The following PIGX variants were observed in gnomAD, a reference collection of about 807,000 sequenced individuals.
The protein encoded by PIGX is GPI alpha-1,4-mannosyltransferase I, stabilizing subunit.
Under a neutral mutation model 28.7 loss-of-function variants are expected in PIGX, and 24 were observed. That is an observed-to-expected ratio of 0.84 (90% CI 0.60 to 1.17). PIGX has a LOEUF of 1.17. PIGX is among the 50% of genes most tolerant of loss of function. The probability of loss-of-function intolerance (pLI) is 0.00; values close to 1 mark genes in which losing one functional copy is unlikely to be tolerated. For missense variants in PIGX, 305 were observed against 317.8 expected (o/e 0.96, Z 0.31); for synonymous variants, 127 against 121.0 (o/e 1.05, Z -0.33).
Position 196,733,774 on chromosome 3 carries a change from A to C in PIGX, c.649A>C (p.Ile217Leu). The C allele has an allele frequency of 6.3e-7, 1 of 1,595,314 alleles. No individual in the cohort carries two copies. The highest frequency in any genetic ancestry group is 8.6e-7 in the Non-Finnish European group (1 of 1,162,888). ...CTCTCCATAGGTATATAAGAATGTGATTCTACAAGTTCCAGTGGGACTGAC... is the reference window on the plus strand; with the variant it reads ...CTCTCCATAGGTATATAAGAATGTGCTTCTACAAGTTCCAGTGGGACTGAC... Residue 217 changes from isoleucine (I) to leucine (L), a missense_variant, in exon 6 of 6, where the codon ATT becomes CTT. Coordinates refer to ENST00000392391, the MANE Select transcript of PIGX (RefSeq NM_017861.4). This position sits in a 1 kb window ranked among gnomAD's most constrained non-coding sequence, Gnocchi z 4.3.
At chr3:196,714,612 C>G (rs1712010907) in intron 1 of PIGX, among the ~76,000 whole-genome samples, 1 of 152,090 alleles carries the variant, frequency 6.6e-6, no homozygotes, top group South Asian at 2.1e-4. Context: ...CAGGTGCACA[C>G]CACGACGCCC....
rs1479975809 is a variant in PIGX at position 196,735,817 on chromosome 3, G to A, written c.*1915G>A. 1 of 152,124 alleles carries A rather than the reference G, an allele frequency of 6.6e-6. No homozygotes were observed. Among genetic ancestry groups the A allele is most frequent in the Admixed American group, 6.5e-5 (1 of 15,274 alleles). The allele number at this position is 152,124 out of a possible 1,614,324, so 9.4% of individuals were successfully genotyped here. A position where few individuals can be genotyped will look rare whatever the true frequency, so the allele number is the denominator to read the frequency against. ...TTTTGGAATATGGTTAGACGGGGAG[G>A]GAACACGGTACTGTTTAACATCTTA... is the stretch of plus-strand genomic sequence containing the variant. On this transcript the variant is annotated 3_prime_UTR_variant, in exon 6 of 6. Coordinates refer to ENST00000392391, the MANE Select transcript of PIGX (RefSeq NM_017861.4).
Position 196,733,981 on chromosome 3 carries a change from ATTAC to A in PIGX, c.*82_*85del, listed in dbSNP as rs1334414606. ...GACGAGAGGTGTTCTTCTAGAATTA[ATTAC>A]TTTTATCTTTTGTCTTCATTTGTGG... On this transcript the variant is annotated 3_prime_UTR_variant, in exon 6 of 6. Transcript: ENST00000392391. This position sits in a 1 kb window ranked among gnomAD's most constrained non-coding sequence, Gnocchi z 4.3. The A allele has an allele frequency of 1.1e-6, 1 of 929,486 alleles. No individual in the cohort carries two copies. Among genetic ancestry groups the A allele is most frequent in the East Asian group, 2.4e-5 (1 of 41,228 alleles). 57.6% of individuals were successfully genotyped at this position (929,486 alleles called of 1,614,324 possible). A position where few individuals can be genotyped will look rare whatever the true frequency, so the allele number is the denominator to read the frequency against.
Position 196,716,865 on chromosome 3 carries a change from G to C in PIGX, c.120G>C (p.Arg40Ser), listed in dbSNP as rs759622427. 1 of 1,598,762 alleles carries C rather than the reference G, an allele frequency of 6.3e-7. No individual in the cohort carries two copies. The highest frequency in any genetic ancestry group is 2.2e-5 in the East Asian group (1 of 44,602). The change falls in exon 2 of 6, where the codon AGG becomes AGC. Residue 40 changes from arginine (R) to serine (S), a missense_variant. Arg to Ser is a moderately radical substitution (Grantham distance 110). Coordinates refer to ENST00000392391, the MANE Select transcript of PIGX (RefSeq NM_017861.4). ...ATCGTTTGGTTCTTATAGGCATAAG[G>C]GCCATGTGTTCTGAAATTATTTTGA...
In PIGX at chr3:196,735,152, G is replaced by C. The variant is rs868499312; in HGVS notation, c.*1250G>C. 25 of 151,686 alleles carry C rather than the reference G, an allele frequency of 1.6e-4. No homozygotes were observed. Among genetic ancestry groups the C allele is most frequent in the African/African-American group, 6.1e-4 (25 of 41,252 alleles). The allele number at this position is 151,686 out of a possible 1,614,324, so 9.4% of individuals were successfully genotyped here. A position where few individuals can be genotyped will look rare whatever the true frequency, so the allele number is the denominator to read the frequency against. On this transcript the variant is annotated 3_prime_UTR_variant, in exon 6 of 6. Transcript: ENST00000392391. ...TACTAAAAATACAAAAAAATGAGCC[G>C]GGTATGGTGGTGCATACCTGTAGTC...
rs542624756 is a variant in PIGX, at chr3:196,716,967, A to G, written c.176+46A>G. 2.6e-4 allele frequency: 302 copies of G among 1,146,394 alleles called. 9 individuals carry two copies. The South Asian group carries it at 3.7e-3, about 14-fold the overall frequency. The allele number at this position is 1,146,394 out of a possible 1,614,324, so 71.0% of individuals were successfully genotyped here. A position where few individuals can be genotyped will look rare whatever the true frequency, so the allele number is the denominator to read the frequency against. On this transcript the variant is annotated intron_variant, in intron 2 of 5. Transcript: ENST00000392391. ...TATTTCTATTAAAATAATGTGTCAT[A>G]TAATTGAGAGCAAAAAATTGATGGT...
chr3:196,731,167 T>C, intron 5 of PIGX, 75 bp downstream of exon 5: 1 of 808,800 alleles, frequency 1.2e-6, no homozygotes, highest in South Asian at 1.6e-5. Context: ...TCCTGCCACA[T>C]TTAAGAGATT....
chr3:196,728,069 G>C lies in PIGX; in HGVS notation c.465G>C (p.Pro155=), dbSNP rs547370958. ...CTGTGCACTGCCGCTATCATCGGCCGCACAGTGAAGATGGAGAAGCCTCGA... is the reference window on the plus strand; with the variant it reads ...CTGTGCACTGCCGCTATCATCGGCCCCACAGTGAAGATGGAGAAGCCTCGA... Residue 155 remains proline, a synonymous_variant, in exon 4 of 6, where the codon CCG becomes CCC. Coordinates refer to ENST00000392391, the MANE Select transcript of PIGX (RefSeq NM_017861.4). The C allele has an allele frequency of 1.9e-6, 3 of 1,614,064 alleles. No homozygotes were observed. In the East Asian group the frequency reaches 6.7e-5, roughly 36 times the overall value.
At chr3:196,723,448 G>T (rs577750975) in intron 3 of PIGX, among the ~76,000 whole-genome samples, 4 of 152,134 alleles carry the variant, frequency 2.6e-5, no homozygotes, top group Non-Finnish European at 5.9e-5. Context: ...TTGTAATGTT[G>T]TTGCCCTTGT....
intron 4 of PIGX, among the ~76,000 whole-genome samples, chr3:196,730,768 AAAAG>A (rs1712718453): frequency 1.3e-5 from 2 of 151,562 alleles, no homozygotes; most frequent in East Asian, 1.9e-4. Flanking sequence ...AAAAAAAAAA[AAAAG>A]AAGTCATGTT....
At chr3:196,726,488 A>G (rs1712527158) in intron 3 of PIGX, among the ~76,000 whole-genome samples, 2 of 152,182 alleles carry the variant, frequency 1.3e-5, no homozygotes, top group Non-Finnish European at 2.9e-5. Context: ...AGTAGTACAT[A>G]TAAAGCATAG....
chr3:196,724,189 A>G (rs756326378), intron 3 of PIGX, among the ~76,000 whole-genome samples: 2 of 151,642 alleles, frequency 1.3e-5, no homozygotes, highest in African/African-American at 2.4e-5. Flanking sequence ...TAATTTTTGT[A>G]TTTTTAGTAG....
chr3:196,716,053 C>T (rs954487129), intron 1 of PIGX, among the ~76,000 whole-genome samples: 2 of 152,134 alleles, frequency 1.3e-5, no homozygotes, highest in Admixed American at 1.3e-4. Flanking sequence ...CTCTCTGTCA[C>T]CCAGGCTTGA....
chr3:196,712,646 T>G lies in PIGX; in HGVS notation c.112+2T>G. 3 of 1,182,378 alleles carry G rather than the reference T, an allele frequency of 2.5e-6. No individual in the cohort carries two copies. Among genetic ancestry groups the G allele is most frequent in the Non-Finnish European group, 3.1e-6 (3 of 956,346 alleles). The allele number at this position is 1,182,378 out of a possible 1,614,324, so 73.2% of individuals were successfully genotyped here. On this transcript the variant is annotated splice_donor_variant, in intron 1 of 5. Coordinates refer to ENST00000392391, the MANE Select transcript of PIGX (RefSeq NM_017861.4). LOFTEE classifies it high-confidence loss of function. ...TCACCGCCGCGCGCTCTGACGCCGG[T>G]AAGGGGGGCGGGGCTTGGGGGGCCA... is the stretch of plus-strand genomic sequence containing the variant.
intron 3 of PIGX, among the ~76,000 whole-genome samples, chr3:196,726,492 A>G (rs1284242309): frequency 6.6e-6 from 1 of 152,146 alleles, no homozygotes; most frequent in Non-Finnish European, 1.5e-5. Context: ...GTACATATAA[A>G]GCATAGTGAG....
chr3:196,722,888 C>T (rs1008589856), intron 3 of PIGX, among the ~76,000 whole-genome samples: 1 of 152,178 alleles, frequency 6.6e-6, no homozygotes, highest in African/African-American at 2.4e-5. Flanking sequence ...ACCCCAACAT[C>T]TGGGTAAGTT....
rs1292169735 is a variant in PIGX, at chr3:196,721,623, CA to C, written c.177-791del. 6.6e-5 allele frequency among the ~76,000 whole-genome samples: 10 copies of C among 151,846 alleles called. No individual in the cohort carries two copies. The East Asian group carries it at 1.3e-3, about 20-fold the overall frequency. ...GCTAATTTTTTTATTTTTTTAGAGA[CA>C]GGGGTCTCTCCATATTGCTTAGGCT... is the stretch of plus-strand genomic sequence containing the variant. On this transcript the variant is annotated intron_variant, in intron 2 of 5. Transcript: ENST00000392391.
At position 196,728,909 on chromosome 3, in the gene PIGX, T is replaced by A. The variant is rs534610872; in HGVS notation, c.532+773T>A. ...ACTCTGGCTTTTGATGTTTTGTTTCTACTTGCATGTATTTTGATGTTTGGG... is the reference window on the plus strand; with the variant it reads ...ACTCTGGCTTTTGATGTTTTGTTTCAACTTGCATGTATTTTGATGTTTGGG... On this transcript the variant is annotated intron_variant, in intron 4 of 5. Transcript: ENST00000392391. 2.6e-5 allele frequency among the ~76,000 whole-genome samples: 4 copies of A among 152,370 alleles called. No homozygotes were observed. In the South Asian group the frequency reaches 8.3e-4, roughly 32 times the overall value.
chr3:196,727,849 C>T, intron 3 of PIGX, 74 bp from the exon 4 acceptor site: 1 of 1,054,508 alleles, frequency 9.5e-7, no homozygotes, highest in South Asian at 1.5e-5. Flanking sequence ...TGTATATAGT[C>T]TTCTGGTTTT....
Sources: allele counts gnomAD v4.1 joint callset (sites outside exome capture counted in the v4.1 genomes callset), GRCh38; gene constraint gnomAD v4.1.1; non-coding constraint Gnocchi (gnomAD v3.1); transcripts MANE v1.5; gene names NCBI Gene and HGNC (gene_info 2026-07-23, HGNC 2026-07-21).